KATNA1: variants seen among roughly 807,000 people sequenced by gnomAD.
KATNA1 encodes the protein katanin catalytic subunit A1.
KATNA1 carries 42 observed loss-of-function variants against 62.6 expected under a neutral mutation model. The ratio of observed to expected loss-of-function variants is 0.67; its 90% confidence interval spans 0.52 to 0.87. The LOEUF (loss-of-function observed/expected upper bound fraction) is 0.87, where lower values mean the gene tolerates loss of function less well. Ranked by LOEUF, KATNA1 falls within the 40% of genes least tolerant of loss-of-function variation. The pLI is 0.00. For missense variants in KATNA1, 498 were observed against 612.5 expected (o/e 0.81, Z 1.97); for synonymous variants, 186 against 201.9 (o/e 0.92, Z 0.67).
intron 2 of KATNA1, among the ~76,000 whole-genome samples, chr6:149,635,087 A>C (rs968362553): frequency 1.3e-5 from 2 of 152,110 alleles, no homozygotes; most frequent in Non-Finnish European, 2.9e-5. Context: ...TTTAAAAACT[A>C]ATCTTGGGCA....
intron 1 of KATNA1, among the ~76,000 whole-genome samples, chr6:149,639,703 C>T (rs767221810): frequency 5.3e-5 from 8 of 152,258 alleles, no homozygotes; most frequent in Non-Finnish European, 8.8e-5. Context: ...GGCAGTTTTC[C>T]TAGTATGTCT....
chr6:149,609,845 A>G (rs1778880760), intron 4 of KATNA1, among the ~76,000 whole-genome samples: 1 of 146,938 alleles, frequency 6.8e-6, no homozygotes, highest in African/African-American at 2.5e-5. Flanking sequence ...TCATGTCTGT[A>G]ATCCCAGCAC....
chr6:149,613,855 C>G (rs1331726091), intron 4 of KATNA1, among the ~76,000 whole-genome samples: 1 of 152,136 alleles, frequency 6.6e-6, no homozygotes, highest in Non-Finnish European at 1.5e-5. Flanking sequence ...GGGGATTATG[C>G]CACAAGGGTT....
intron 4 of KATNA1, among the ~76,000 whole-genome samples, chr6:149,620,399 C>T (rs1053565216): frequency 3.3e-5 from 5 of 152,118 alleles, no homozygotes; most frequent in African/African-American, 9.7e-5. Flanking sequence ...TCAAGCAATC[C>T]TCCTGCATCA....
chr6:149,641,322 G>A (rs567675283), intron 1 of KATNA1, among the ~76,000 whole-genome samples: 8 of 151,646 alleles, frequency 5.3e-5, no homozygotes, highest in African/African-American at 1.5e-4. Context: ...GACTACAGGC[G>A]CCCACCACCA....
chr6:149,609,145 T>C (rs918880270), intron 4 of KATNA1, among the ~76,000 whole-genome samples: 12 of 152,282 alleles, frequency 7.9e-5, no homozygotes, highest in African/African-American at 2.9e-4. Context: ...ATTATGAATG[T>C]ACTTGAAAGA....
intron 1 of KATNA1, among the ~76,000 whole-genome samples, chr6:149,639,151 T>C (rs1444993506): frequency 6.6e-6 from 1 of 152,052 alleles, no homozygotes; most frequent in African/African-American, 2.4e-5. Flanking sequence ...ATGTAAAAAC[T>C]AGCTGGGCGT....
intron 5 of KATNA1, among the ~76,000 whole-genome samples, chr6:149,603,598 C>T (rs1445477396): frequency 6.6e-6 from 1 of 152,026 alleles, no homozygotes; most frequent in African/African-American, 2.4e-5. Context: ...CAGTTTTTAG[C>T]CTGGATCACG....
intron 4 of KATNA1, among the ~76,000 whole-genome samples, chr6:149,606,574 C>T (rs1423806790): frequency 6.6e-6 from 1 of 151,812 alleles, no homozygotes; most frequent in African/African-American, 2.4e-5. Flanking sequence ...TGTATTGAGC[C>T]TCCAATATTA....
At chr6:149,645,845 G>A (rs1780464987) in intron 1 of KATNA1, among the ~76,000 whole-genome samples, 1 of 151,994 alleles carries the variant, frequency 6.6e-6, no homozygotes, top group Admixed American at 6.6e-5. Context: ...AATATAGTAT[G>A]TGATGCAGTG....
intron 3 of KATNA1, among the ~76,000 whole-genome samples, chr6:149,626,342 G>T (rs1240291305): frequency 9.2e-5 from 11 of 119,044 alleles, no homozygotes. Context: ...TCGCCCAGGC[G>T]GGAGTGCTGT....
intron 5 of KATNA1, among the ~76,000 whole-genome samples, 188 bp from the exon 6 acceptor site, chr6:149,603,561 A>G (rs1319142567): frequency 1.3e-5 from 2 of 152,060 alleles, no homozygotes; most frequent in African/African-American, 2.4e-5. Flanking sequence ...AAAGAGCACA[A>G]CCTTTTCTTC....
chr6:149,597,228 C>T, intron 9 of KATNA1, 39 bp from the exon 10 acceptor site: 1 of 1,601,404 alleles, frequency 6.2e-7, no homozygotes, highest in South Asian at 1.1e-5. Context: ...AAGCCTGCAG[C>T]ATAAACATAG....
chr6:149,638,591 T>C (rs747873944), intron 1 of KATNA1, 31 bp from the exon 2 acceptor site: 3 of 1,458,898 alleles, frequency 2.1e-6, no homozygotes, highest in East Asian at 2.3e-5. Context: ...AGAAACACTT[T>C]AGGTTTACAT....
chr6:149,646,809 C>T (rs976484184), intron 1 of KATNA1, among the ~76,000 whole-genome samples: 87 of 152,236 alleles, frequency 5.7e-4, no homozygotes, highest in African/African-American at 2.0e-3. Context: ...TCGATAAACG[C>T]CACAAGCAAA....
intron 4 of KATNA1, among the ~76,000 whole-genome samples, chr6:149,621,344 T>C (rs1384267125): frequency 1.3e-5 from 2 of 151,818 alleles, no homozygotes; most frequent in Non-Finnish European, 2.9e-5. Context: ...CAGGATGGTC[T>C]CGATCTCCTG....
intron 2 of KATNA1, among the ~76,000 whole-genome samples, chr6:149,637,233 G>A (rs1780095593): frequency 6.6e-6 from 1 of 151,606 alleles, no homozygotes; most frequent in South Asian, 2.1e-4. Flanking sequence ...CAAACATAGG[G>A]AGATCCCATC....
At chr6:149,619,870 C>G (rs2115116349) in intron 4 of KATNA1, among the ~76,000 whole-genome samples, 1 of 152,218 alleles carries the variant, frequency 6.6e-6, no homozygotes, top group South Asian at 2.1e-4. Flanking sequence ...AACCGCCATA[C>G]TATTATAAAC....
chr6:149,628,881 T>C (rs147416295), intron 3 of KATNA1, among the ~76,000 whole-genome samples: 2 of 146,266 alleles, frequency 1.4e-5, no homozygotes, highest in East Asian at 2.0e-4. Context: ...TAAAGACTAA[T>C]AGAAAAATAA....
Sources: allele counts gnomAD v4.1 joint callset (sites outside exome capture counted in the v4.1 genomes callset), GRCh38; gene constraint gnomAD v4.1.1; transcripts MANE v1.5; gene names NCBI Gene and HGNC (gene_info 2026-07-23, HGNC 2026-07-21).